REPS2: variants seen among roughly 807,000 people sequenced by gnomAD.
REPS2 encodes the protein ralBP1-associated Eps domain-containing protein 2.
Under a neutral mutation model 53.6 loss-of-function variants are expected in REPS2, and 23 were observed. That is an observed-to-expected ratio of 0.43 (90% confidence interval 0.31 to 0.61). The LOEUF (loss-of-function observed/expected upper bound fraction) is 0.61, where lower values mean the gene tolerates loss of function less well. Ranked by LOEUF, REPS2 falls within the 20% of genes least tolerant of loss-of-function variation. REPS2 has a pLI of 0.11. For missense variants in REPS2, 446 were observed against 534.9 expected (o/e 0.83, Z 1.64); for synonymous variants, 238 against 218.6 (o/e 1.09, Z -0.78).
At chrX:16,994,382 C>CACACGTACATATATATACATATATATAT in intron 1 of REPS2, among the ~76,000 whole-genome samples, 1 of 95,564 alleles carries the variant, frequency 1.0e-5, no homozygotes, top group East Asian at 3.0e-4. Context: ...CATATATATA[C>CACACGTACATATATATACATATATATAT]ACACACGTAC....
At chrX:17,055,391 A>G (rs74787163) in intron 8 of REPS2, among the ~76,000 whole-genome samples, 46 of 57,917 alleles carry the variant, frequency 7.9e-4, no homozygotes, top group African/African-American at 2.9e-3. Context: ...TTTTGTTGCC[A>G]TTGCTTTTGG....
intron 9 of REPS2, 47 bp downstream of exon 9, chrX:17,062,579 A>C: frequency 1.1e-6 from 1 of 923,523 alleles, no homozygotes. Flanking sequence ...TATGGAGCTA[A>C]ATCCATTGGC....
chrX:17,032,934 G>A (rs752155022), intron 5 of REPS2, among the ~76,000 whole-genome samples: 1 of 112,071 alleles, frequency 8.9e-6, no homozygotes, highest in South Asian at 3.7e-4. Context: ...ATCCTATGTT[G>A]GTAGATGATT....
the REPS2 span, among the ~76,000 whole-genome samples, chrX:17,169,442 G>A: frequency 9.0e-6 from 1 of 111,498 alleles, no homozygotes; most frequent in Non-Finnish European, 1.9e-5. Flanking sequence ...CACTCTGGGG[G>A]ACCGAGGCAA....
At position 17,021,503 on chromosome X, in the gene REPS2, G is replaced by A. The variant is rs1048337503; in HGVS notation, c.398-620G>A. On this transcript the variant is annotated intron_variant, in intron 2 of 17. Transcript: ENST00000357277. ...GAAAATTCCTTAAAGAATTACATAG[G>A]ATGAGAAACTGTTCTACCCACTAAG... Among the ~76,000 whole-genome samples, 5 of 112,313 alleles carry A rather than the reference G, an allele frequency of 4.5e-5. No homozygotes were observed. The East Asian group carries it at 1.4e-3, about 31-fold the overall frequency.
At chrX:16,993,772 C>T (rs1245769137) in intron 1 of REPS2, among the ~76,000 whole-genome samples, 1 of 112,391 alleles carries the variant, frequency 8.9e-6, no homozygotes, top group Non-Finnish European at 1.9e-5. Flanking sequence ...ATTGATACAG[C>T]CAAGTTTGGA....
intron 17 of REPS2, among the ~76,000 whole-genome samples, chrX:17,141,546 C>T (rs928767658): frequency 1.3e-4 from 15 of 111,639 alleles, no homozygotes; most frequent in Non-Finnish European, 2.4e-4. Context: ...GATTGGGATT[C>T]GTAGGTATCA....
chrX:17,169,393 T>C, the REPS2 span, among the ~76,000 whole-genome samples: 1 of 111,718 alleles, frequency 9.0e-6, no homozygotes, highest in African/African-American at 3.3e-5. Flanking sequence ...AAAGAAGCAC[T>C]GTGGGGCCAG....
rs1446911674 is a variant in REPS2, at chrX:17,016,713, A to G, written c.398-5410A>G. On this transcript the variant is annotated intron_variant, in intron 2 of 17. Coordinates refer to ENST00000357277, the MANE Select transcript of REPS2 (RefSeq NM_004726.3). ...TGTGAGCCACTATGCCTGGCCTGAC[A>G]TTTGAATTTAATATAATTTTCACAT... Among the ~76,000 whole-genome samples, 3 of 106,380 alleles carry G rather than the reference A, an allele frequency of 2.8e-5. No homozygotes were observed. In the Admixed American group the frequency reaches 3.0e-4, roughly 11 times the overall value. The allele number at this position is 106,380 out of a possible 115,157, so 92.4% of individuals were successfully genotyped here.
chrX:17,116,354 C>T (rs546298685), intron 14 of REPS2, among the ~76,000 whole-genome samples: 3 of 109,848 alleles, frequency 2.7e-5, no homozygotes, highest in South Asian at 8.0e-4. Context: ...GGACTACAGG[C>T]GCATGCCACC....
At chrX:16,986,339 C>G (rs188529717) in intron 1 of REPS2, among the ~76,000 whole-genome samples, 1 of 111,952 alleles carries the variant, frequency 8.9e-6, no homozygotes, top group African/African-American at 3.2e-5. Context: ...TTCCTCTGCT[C>G]TGTCAAGATT....
chrX:17,163,462 A>G, the REPS2 span, among the ~76,000 whole-genome samples: 1 of 112,044 alleles, frequency 8.9e-6, no homozygotes, highest in African/African-American at 3.2e-5. Context: ...GATGACAAAC[A>G]TGAATCTACA....
intron 8 of REPS2, among the ~76,000 whole-genome samples, chrX:17,056,619 C>T (rs902304410): frequency 2.7e-5 from 3 of 109,783 alleles, no homozygotes; most frequent in South Asian, 7.9e-4. Flanking sequence ...GGCATGAACC[C>T]GGGAGGCGGA....
chrX:17,128,573 G>A (rs5924601), intron 14 of REPS2, among the ~76,000 whole-genome samples: 4,985 of 111,828 alleles, frequency 0.045, 128 homozygotes, highest in Middle Eastern at 0.11. Flanking sequence ...GGGCCTCCCC[G>A]TACCCATGTC....
At chrX:17,123,012 C>G (rs886905215) in intron 14 of REPS2, among the ~76,000 whole-genome samples, 2 of 112,303 alleles carry the variant, frequency 1.8e-5, no homozygotes, top group Non-Finnish European at 3.8e-5. Context: ...TTTGTATATA[C>G]ATTTGTTATT....
intron 5 of REPS2, among the ~76,000 whole-genome samples, chrX:17,033,961 T>A (rs1418697701): frequency 8.9e-6 from 1 of 112,513 alleles, no homozygotes; most frequent in Admixed American, 9.4e-5. Context: ...TCACCCTCAC[T>A]TTTGCCTTCT....
intron 17 of REPS2, among the ~76,000 whole-genome samples, chrX:17,142,695 T>C (rs906415325): frequency 1.8e-5 from 2 of 111,772 alleles, no homozygotes; most frequent in Non-Finnish European, 3.8e-5. Context: ...AAACAAAAAA[T>C]GTGACATCAC....
intron 14 of REPS2, among the ~76,000 whole-genome samples, chrX:17,110,147 G>A (rs1017282879): frequency 1.8e-5 from 2 of 111,188 alleles, no homozygotes; most frequent in African/African-American, 6.5e-5. Context: ...GTCTCTTACA[G>A]GGCTATCTAA....
chrX:16,961,019 C>T, intron 1 of REPS2, among the ~76,000 whole-genome samples: 1 of 112,047 alleles, frequency 8.9e-6, no homozygotes, highest in Non-Finnish European at 1.9e-5. Context: ...AAATTGTCCA[C>T]ACTACCCAAA....
Sources: gnomAD v4.1 joint callset for allele counts (sites outside exome capture counted in the v4.1 genomes callset) on GRCh38, gnomAD v4.1.1 for gene constraint, MANE v1.5 for transcripts, NCBI Gene and HGNC (gene_info 2026-07-23, HGNC 2026-07-21) for gene names.